Variants in CCDC92 observed in about 807,000 individuals in gnomAD.
CCDC92 encodes the protein coiled-coil domain containing 92.
CCDC92 carries 12 observed loss-of-function variants against 24.9 expected under a neutral mutation model. That is an observed-to-expected ratio of 0.48 (90% CI 0.31 to 0.78). The LOEUF (loss-of-function observed/expected upper bound fraction) is 0.78. CCDC92 is among the 30% of genes least tolerant of loss of function. CCDC92 has a pLI of 0.05. For synonymous variants in CCDC92, 193 were observed against 196.3 expected, an observed-to-expected ratio of 0.98 and a Z score of 0.14; for missense variants, 399 against 439.4, an observed-to-expected ratio of 0.91 and a Z score of 0.82.
At chr12:123,940,418 G>C (rs1220825665) in intron 4 of CCDC92, among the ~76,000 whole-genome samples, 4 of 152,174 alleles carry the variant, frequency 2.6e-5, no homozygotes, top group Non-Finnish European at 5.9e-5. Context: ...TCCTCCTCCA[G>C]GGTGCAGCCT....
intron 1 of CCDC92, among the ~76,000 whole-genome samples, chr12:123,959,734 T>C (rs966572205): frequency 6.6e-6 from 1 of 152,242 alleles, no homozygotes; most frequent in Non-Finnish European, 1.5e-5. Flanking sequence ...TGCGGCCACA[T>C]GTAGCTATTG....
At chr12:123,950,466 G>T (rs540650224) in intron 1 of CCDC92, among the ~76,000 whole-genome samples, 1 of 152,220 alleles carries the variant, frequency 6.6e-6, no homozygotes. Flanking sequence ...ACTCTTGCTC[G>T]TAATACCAGC....
In CCDC92 at chr12:123,937,335, A is replaced by C; in HGVS notation, c.719T>G (p.Met240Arg). ...CAGCAGAAATGGGGTGGGGTCGGGC[A>C]TAGCATCCACTGGTTCCCGCAAAAG... is the stretch of plus-strand genomic sequence containing the variant. ...KLLLREPVDA[M>R]PDPTPFLLAR... Residue 240 changes from methionine (M) to arginine (R), a missense_variant, in exon 5 of 5, where the codon ATG becomes AGG. Coordinates refer to ENST00000238156, the MANE Select transcript of CCDC92 (RefSeq NM_025140.3). The surrounding 1 kb of genome is among the most constrained non-coding windows in gnomAD (Gnocchi z 8.4). 1 of 1,613,956 alleles carries C rather than the reference A, an allele frequency of 6.2e-7. No homozygotes were observed.
At chr12:123,951,794 AGGCAGCAATT>A (rs1956032829) in intron 1 of CCDC92, among the ~76,000 whole-genome samples, 1 of 152,246 alleles carries the variant, frequency 6.6e-6, no homozygotes, top group South Asian at 2.1e-4. Flanking sequence ...CAGAGAACAA[AGGCAGCAATT>A]GCAGTGATTA....
At chr12:123,943,275 C>A (rs1955743702) in intron 3 of CCDC92, 72 bp downstream of exon 3, 1 of 1,544,770 alleles carries the variant, frequency 6.5e-7, no homozygotes, top group African/African-American at 1.4e-5. Flanking sequence ...GCAGGCCTAG[C>A]ACATTCTGAC....
At chr12:123,941,261 C>T (rs1594452315) in intron 4 of CCDC92, among the ~76,000 whole-genome samples, 1 of 152,184 alleles carries the variant, frequency 6.6e-6, no homozygotes, top group Non-Finnish European at 1.5e-5. Context: ...AGGCCCAGCT[C>T]CCAGTCCCAG....
At chr12:123,943,778 A>C in intron 2 of CCDC92, 3 of 524,854 alleles carry the variant, frequency 5.7e-6, no homozygotes, top group Non-Finnish European at 1.0e-5. Flanking sequence ...CCAGAGTACA[A>C]AGTCATTTCC....
At chr12:123,941,472 G>A (rs1320094466) in intron 4 of CCDC92, among the ~76,000 whole-genome samples, 1 of 152,206 alleles carries the variant, frequency 6.6e-6, no homozygotes, top group Non-Finnish European at 1.5e-5. Context: ...ATCCACTAAG[G>A]CTTGGTGGAA....
intron 1 of CCDC92, among the ~76,000 whole-genome samples, chr12:123,960,561 TGTGGCC>T (rs1956248449): frequency 6.6e-6 from 1 of 152,188 alleles, no homozygotes. Context: ...GAAGCTGAGA[TGTGGCC>T]GTGTCGCATG....
rs1417519108 is a variant in CCDC92, at chr12:123,942,750, G to C, written c.217C>G (p.Gln73Glu). 4 of 1,609,726 alleles carry C rather than the reference G, an allele frequency of 2.5e-6. No individual in the cohort carries two copies. The highest frequency in any genetic ancestry group is 3.4e-6 in the Non-Finnish European group (4 of 1,175,912). The change falls in exon 4 of 5, where the codon CAG becomes GAG. Residue 73 changes from glutamine (Q) to glutamate (E), a missense_variant. Coordinates refer to ENST00000238156, the MANE Select transcript of CCDC92 (RefSeq NM_025140.3). ...TYELTVKSSEQTGDGTSKSSE... is the reference protein window; with the variant it reads ...TYELTVKSSEETGDGTSKSSE... The stretch of plus-strand genomic sequence containing the variant: ...TCTGGGGAGGAGTTCTTACCTGTCT[G>C]TTCCGAACTTTTGACTGTCAGCTCA...
intron 1 of CCDC92, among the ~76,000 whole-genome samples, chr12:123,950,380 G>A (rs1291446489): frequency 2.0e-5 from 3 of 152,110 alleles, no homozygotes; most frequent in Non-Finnish European, 2.9e-5. Context: ...ACTGGCTCTC[G>A]AGGGTCCACG....
chr12:123,962,013 AC>A (rs1260376448), intron 1 of CCDC92, among the ~76,000 whole-genome samples: 1 of 152,156 alleles, frequency 6.6e-6, no homozygotes, highest in Non-Finnish European at 1.5e-5. Flanking sequence ...CAGCCTGAAC[AC>A]CGTTTGGCCA....
intron 1 of CCDC92, among the ~76,000 whole-genome samples, chr12:123,946,970 T>G (rs955284798): frequency 9.2e-5 from 14 of 151,694 alleles, no homozygotes; most frequent in Non-Finnish European, 1.9e-4. Flanking sequence ...GAACCGGGGC[T>G]GCGTGCGGCG....
At chr12:123,944,581 A>G (rs1955788903) in intron 1 of CCDC92, 5 of 397,072 alleles carry the variant, frequency 1.3e-5, no homozygotes, top group Admixed American at 4.6e-5. Flanking sequence ...GACGACACCA[A>G]TTGCTCATCA....
intron 2 of CCDC92, chr12:123,943,871 C>A: frequency 2.3e-6 from 1 of 433,976 alleles, no homozygotes. Flanking sequence ...AGCAGGGATT[C>A]TAATCCAGGG....
intron 1 of CCDC92, among the ~76,000 whole-genome samples, chr12:123,969,461 G>GTTTTTT (rs60485501): frequency 2.1e-5 from 2 of 93,058 alleles, no homozygotes; most frequent in African/African-American, 4.6e-5. Flanking sequence ...CTCTTATTCA[G>GTTTTTT]TTTTTTTTTT....
intron 1 of CCDC92, among the ~76,000 whole-genome samples, chr12:123,954,466 G>C (rs1301630964): frequency 2.0e-5 from 3 of 152,216 alleles, no homozygotes; most frequent in Non-Finnish European, 2.9e-5. Context: ...TAGAGAGCCT[G>C]ACAATTACAC....
At chr12:123,951,363 A>G (rs1956020969) in intron 1 of CCDC92, among the ~76,000 whole-genome samples, 1 of 152,230 alleles carries the variant, frequency 6.6e-6, no homozygotes, top group Non-Finnish European at 1.5e-5. Context: ...TTCGGTAGGA[A>G]AGGGTCTCAC....
rs892076999 is a variant in CCDC92 at position 123,936,766 on chromosome 12, G to A, written c.*292C>T. The A allele has an allele frequency of 1.1e-5, 6 of 539,094 alleles. No individual in the cohort carries two copies. Among genetic ancestry groups the A allele is most frequent in the African/African-American group, 3.8e-5 (2 of 52,500 alleles). The allele number at this position is 539,094 out of a possible 1,614,324, so 33.4% of individuals were successfully genotyped here. On this transcript the variant is annotated 3_prime_UTR_variant, in exon 5 of 5. Coordinates refer to ENST00000238156, the MANE Select transcript of CCDC92 (RefSeq NM_025140.3). ...TGGCATCGTGAACATCAGTAGTGAC[G>A]CAGCCGTGGCCTGGGCTTTGCCTGC... is the stretch of plus-strand genomic sequence containing the variant.
Sources: allele counts gnomAD v4.1 joint callset (sites outside exome capture counted in the v4.1 genomes callset), GRCh38; gene constraint gnomAD v4.1.1; non-coding constraint Gnocchi (gnomAD v3.1); transcripts MANE v1.5; gene names NCBI Gene and HGNC (gene_info 2026-07-23, HGNC 2026-07-21).